ARHGEF12: variants seen among roughly 807,000 people sequenced by gnomAD.
ARHGEF12 encodes the protein KMT2A/ARHGEF12 fusion protein.
A neutral mutation model predicts 211.2 loss-of-function variants in ARHGEF12; 66 were observed. That is an observed-to-expected ratio of 0.31 (90% confidence interval 0.26 to 0.38). The LOEUF is 0.38. ARHGEF12 is among the 10% of genes least tolerant of loss of function. ARHGEF12 has a pLI of 1.00. For synonymous variants in ARHGEF12, 592 were observed against 638.4 expected (o/e 0.93, Z 1.09); for missense variants, 1,429 against 1,869.5 (o/e 0.76, Z 4.34).
intron 28 of ARHGEF12, among the ~76,000 whole-genome samples, chr11:120,465,649 G>T (rs1434904391): frequency 1.3e-5 from 2 of 152,106 alleles, no homozygotes. Flanking sequence ...TCTATTTTTA[G>T]TAGAGACGGG....
chr11:120,409,266 T>C, intron 3 of ARHGEF12, 128 bp from the exon 4 acceptor site: 1 of 806,754 alleles, frequency 1.2e-6, no homozygotes, highest in South Asian at 1.6e-5. Flanking sequence ...TGTCATCTGT[T>C]ATGTTCATAC....
At chr11:120,481,197 A>T in intron 38 of ARHGEF12, 63 bp from the exon 39 acceptor site, 1 of 1,457,320 alleles carries the variant, frequency 6.9e-7, no homozygotes, top group Non-Finnish European at 9.6e-7. Flanking sequence ...TCAGCACACT[A>T]TGCTATTTCT....
At chr11:120,404,231 A>G (rs532516751) in intron 1 of ARHGEF12, among the ~76,000 whole-genome samples, 8 of 152,212 alleles carry the variant, frequency 5.3e-5, no homozygotes, top group Admixed American at 2.0e-4. Context: ...CATCTGTCTC[A>G]ATATTCAGCA....
intron 28 of ARHGEF12, among the ~76,000 whole-genome samples, chr11:120,466,623 A>T (rs1795484314): frequency 6.6e-6 from 1 of 152,212 alleles, no homozygotes; most frequent in Non-Finnish European, 1.5e-5. Context: ...CTTGGAGGCC[A>T]TATTAGAGTT....
chr11:120,370,058 A>G (rs1943548353), intron 1 of ARHGEF12, among the ~76,000 whole-genome samples: 1 of 152,192 alleles, frequency 6.6e-6, no homozygotes, highest in African/African-American at 2.4e-5. Flanking sequence ...TAAACTTCCT[A>G]ACATTTGAAT....
intron 35 of ARHGEF12, 60 bp from the exon 36 acceptor site, chr11:120,477,387 C>T (rs372095465): frequency 9.1e-5 from 143 of 1,578,284 alleles, no homozygotes; most frequent in Non-Finnish European, 1.1e-4. Context: ...TGTTTTGTTG[C>T]GATGATGTTT....
Position 120,458,331 on chromosome 11 carries a change from C to G in ARHGEF12, c.2380+97C>G, listed in dbSNP as rs145709130. 250 of 1,436,834 alleles carry G rather than the reference C, an allele frequency of 1.7e-4. 1 individual carries two copies. In the African/African-American group the frequency reaches 3.2e-3, roughly 19 times the overall value. 89.0% of individuals were successfully genotyped at this position (1,436,834 alleles called of 1,614,324 possible). ...CTTGGAGTTTGCTTCAAAGTTTCTC[C>G]TAGCCTTTTGTTTTAAACAAAGAGG... On this transcript the variant is annotated intron_variant, in intron 25 of 40. Transcript: ENST00000397843.
In ARHGEF12 at chr11:120,488,789, G is replaced by A. The variant is rs2136047937; in HGVS notation, c.*3712G>A. On this transcript the variant is annotated 3_prime_UTR_variant, in exon 41 of 41. Coordinates refer to ENST00000397843, the MANE Select transcript of ARHGEF12 (RefSeq NM_015313.3). Reference sequence around the variant, plus strand: ...AGAAATTGCTTTTAAAAAATATCTGGAACTATCTTTAAAAAAACTTTATTA... The same window carrying A: ...AGAAATTGCTTTTAAAAAATATCTGAAACTATCTTTAAAAAAACTTTATTA... 1 of 211,174 alleles carries A rather than the reference G, an allele frequency of 4.7e-6. No individual in the cohort carries two copies. Among genetic ancestry groups the A allele is most frequent in the East Asian group, 7.2e-5 (1 of 13,900 alleles). The allele number at this position is 211,174 out of a possible 1,614,324, so 13.1% of individuals were successfully genotyped here.
intron 1 of ARHGEF12, among the ~76,000 whole-genome samples, chr11:120,402,332 G>A (rs1223463887): frequency 6.6e-6 from 1 of 152,084 alleles, no homozygotes; most frequent in Non-Finnish European, 1.5e-5. Flanking sequence ...TACCTGCATT[G>A]TTGTCTGATT....
At chr11:120,460,114 G>T (rs991205955) in intron 26 of ARHGEF12, among the ~76,000 whole-genome samples, 2 of 152,164 alleles carry the variant, frequency 1.3e-5, no homozygotes, top group African/African-American at 2.4e-5. Flanking sequence ...GACTTTTGTG[G>T]ACAGTAATAT....
chr11:120,338,005 T>C lies in ARHGEF12; in HGVS notation c.32+730T>C, dbSNP rs1319500901. 8.8e-6 allele frequency: 6 copies of C among 683,370 alleles called. No homozygotes were observed. In the African/African-American group the frequency reaches 1.2e-4, roughly 13 times the overall value. 42.3% of individuals were successfully genotyped at this position (683,370 alleles called of 1,614,324 possible). A position where few individuals can be genotyped will look rare whatever the true frequency, so the allele number is the denominator to read the frequency against. ...TTTGTTGAGTTCTGTGTCTGTCCTT[T>C]ATAGCACCTACCAGTGTTGCATGGT... On this transcript the variant is annotated intron_variant, in intron 1 of 40. Transcript: ENST00000397843.
intron 31 of ARHGEF12, among the ~76,000 whole-genome samples, chr11:120,473,981 TC>T (rs1387347849): frequency 6.6e-6 from 1 of 152,228 alleles, no homozygotes; most frequent in Non-Finnish European, 1.5e-5. Context: ...TATTAATACT[TC>T]GTCAACAAGC....
chr11:120,421,036 A>G (rs985985416), intron 5 of ARHGEF12, among the ~76,000 whole-genome samples, 185 bp downstream of exon 5: 4 of 152,044 alleles, frequency 2.6e-5, no homozygotes, highest in African/African-American at 9.7e-5. Context: ...TTTTTTTTGT[A>G]CTTGTTAGAA....
chr11:120,368,094 T>A lies in ARHGEF12; in HGVS notation c.32+30819T>A, dbSNP rs377471255. Among the ~76,000 whole-genome samples, 24 of 152,162 alleles carry A rather than the reference T, an allele frequency of 1.6e-4. No individual in the cohort carries two copies. The East Asian group carries it at 2.7e-3, about 17-fold the overall frequency. On this transcript the variant is annotated intron_variant, in intron 1 of 40. Transcript: ENST00000397843. ...CTTATATTTGAGTGGCCTCTTTTTT[T>A]GAGACAGGGTCTCACTCTTATTGCT...
At chr11:120,435,608 G>A (rs1316824465) in intron 11 of ARHGEF12, among the ~76,000 whole-genome samples, 4 of 143,904 alleles carry the variant, frequency 2.8e-5, no homozygotes, top group East Asian at 2.2e-4. Context: ...TCCGCCTCCC[G>A]GGTTCGTGCC....
At chr11:120,435,326 A>C (rs1269710917) in intron 11 of ARHGEF12, among the ~76,000 whole-genome samples, 2 of 152,052 alleles carry the variant, frequency 1.3e-5, no homozygotes, top group Non-Finnish European at 2.9e-5. Context: ...TAAAACTCCT[A>C]GTTAAATCTA....
At chr11:120,347,437 C>T (rs772921987) in intron 1 of ARHGEF12, among the ~76,000 whole-genome samples, 2 of 151,900 alleles carry the variant, frequency 1.3e-5, no homozygotes, top group Non-Finnish European at 2.9e-5. Flanking sequence ...TTAATGGCTC[C>T]AAGTCTTCTG....
At chr11:120,400,780 A>G (rs574614496) in intron 1 of ARHGEF12, among the ~76,000 whole-genome samples, 1 of 152,340 alleles carries the variant, frequency 6.6e-6, no homozygotes, top group East Asian at 1.9e-4. Context: ...GTGTCCAGGA[A>G]GTAAGAGAGC....
chr11:120,376,517 AT>A (rs1445243159), intron 1 of ARHGEF12, among the ~76,000 whole-genome samples: 3 of 152,136 alleles, frequency 2.0e-5, no homozygotes, highest in South Asian at 2.1e-4. Flanking sequence ...ATTATTGTTA[AT>A]TTTTATGGGC....
Sources: gnomAD v4.1 joint callset for allele counts (sites outside exome capture counted in the v4.1 genomes callset) on GRCh38, gnomAD v4.1.1 for gene constraint, MANE v1.5 for transcripts, NCBI Gene and HGNC (gene_info 2026-07-23, HGNC 2026-07-21) for gene names.